CADPS: variants seen among roughly 807,000 people sequenced by gnomAD.
The protein encoded by CADPS is calcium dependent secretion activator.
Under a neutral mutation model 167.3 loss-of-function variants are expected in CADPS, and 57 were observed. That is an observed-to-expected ratio of 0.34 (90% CI 0.28 to 0.42). CADPS has a LOEUF of 0.42. Ranked by LOEUF, CADPS falls within the 20% of genes least tolerant of loss-of-function variation. The pLI is 1.00. For missense variants in CADPS, 1,414 were observed against 1,738.1 expected (o/e 0.81, Z 3.32); for synonymous variants, 676 against 635.3 (o/e 1.06, Z -0.96).
chr3:62,521,453 T>C (rs2070563240), intron 13 of CADPS, among the ~76,000 whole-genome samples: 1 of 152,212 alleles, frequency 6.6e-6, no homozygotes, highest in Admixed American at 6.5e-5. Flanking sequence ...ATTGGTATCT[T>C]TCAGACGCCA....
At chr3:62,871,312 C>T (rs904409203) in intron 1 of CADPS, among the ~76,000 whole-genome samples, 4 of 151,966 alleles carry the variant, frequency 2.6e-5, no homozygotes, top group Admixed American at 6.6e-5. Context: ...TTAAATTTAC[C>T]CACTAAAAGC....
At chr3:62,408,092 T>G (rs531119435) in intron 28 of CADPS, among the ~76,000 whole-genome samples, 2 of 152,314 alleles carry the variant, frequency 1.3e-5, no homozygotes, top group South Asian at 2.1e-4. Context: ...CCCTTTCTAG[T>G]AAGAAGCTTA....
intron 6 of CADPS, among the ~76,000 whole-genome samples, chr3:62,599,537 A>G (rs2059399462): frequency 9.3e-6 from 1 of 107,062 alleles, no homozygotes; most frequent in African/African-American, 3.7e-5. Flanking sequence ...TATATTATAT[A>G]TATTATATAT....
At chr3:62,672,209 G>A (rs111397443) in intron 3 of CADPS, among the ~76,000 whole-genome samples, 1 of 1,294 alleles carries the variant, frequency 7.7e-4, no homozygotes, top group African/African-American at 9.0e-4. Flanking sequence ...CACAGAGTCC[G>A]GGCCTCACCC....
chr3:62,655,551 A>G (rs1003410300), intron 4 of CADPS, among the ~76,000 whole-genome samples: 14 of 152,330 alleles, frequency 9.2e-5, no homozygotes, highest in Middle Eastern at 3.4e-3. Flanking sequence ...ATCTTTAAAA[A>G]TAGCATTTGA....
chr3:62,722,726 A>G (rs185843822), intron 3 of CADPS, among the ~76,000 whole-genome samples: 26 of 152,360 alleles, frequency 1.7e-4, no homozygotes, highest in Admixed American at 4.6e-4. Flanking sequence ...CTGCTTAGGC[A>G]TAACCACACA....
chr3:62,648,605 G>A (rs990506128), intron 5 of CADPS, among the ~76,000 whole-genome samples: 6 of 146,010 alleles, frequency 4.1e-5, no homozygotes, highest in African/African-American at 1.5e-4. Context: ...AAGATCACTT[G>A]AGTCCAGGAA....
chr3:62,722,891 C>T (rs2076080081), intron 3 of CADPS, among the ~76,000 whole-genome samples: 3 of 152,076 alleles, frequency 2.0e-5, no homozygotes, highest in Admixed American at 2.0e-4. Flanking sequence ...TGGCCTTTGG[C>T]CTCTACTAGA....
intron 1 of CADPS, among the ~76,000 whole-genome samples, chr3:62,776,753 G>C (rs980298406): frequency 6.6e-6 from 1 of 152,176 alleles, no homozygotes; most frequent in Non-Finnish European, 1.5e-5. Flanking sequence ...CAGGCTTGCT[G>C]TGATATTTGA....
At chr3:62,734,325 C>A (rs1269121161) in intron 3 of CADPS, among the ~76,000 whole-genome samples, 1 of 152,074 alleles carries the variant, frequency 6.6e-6, no homozygotes, top group Non-Finnish European at 1.5e-5. Flanking sequence ...AGATATGTGG[C>A]TAGTGTGATT....
At chr3:62,692,676 A>C (rs532629513) in intron 3 of CADPS, among the ~76,000 whole-genome samples, 1 of 152,074 alleles carries the variant, frequency 6.6e-6, no homozygotes, top group African/African-American at 2.4e-5. Flanking sequence ...TACCATCATT[A>C]CCTGCCAAGA....
intron 3 of CADPS, among the ~76,000 whole-genome samples, chr3:62,664,377 A>C (rs1455406428): frequency 6.6e-6 from 1 of 152,206 alleles, no homozygotes; most frequent in Non-Finnish European, 1.5e-5. Context: ...CATGAGTTGG[A>C]AACTCTCTTC....
chr3:62,540,165 C>T (rs540585256), intron 11 of CADPS, among the ~76,000 whole-genome samples: 1 of 152,106 alleles, frequency 6.6e-6, no homozygotes, highest in Non-Finnish European at 1.5e-5. Flanking sequence ...AGCTAATGTT[C>T]TATTCCTTCT....
intron 27 of CADPS, among the ~76,000 whole-genome samples, chr3:62,442,571 T>C (rs2056524587): frequency 6.6e-6 from 1 of 152,184 alleles, no homozygotes. Context: ...CCCTGATTTG[T>C]AGTGTTTACC....
chr3:62,858,900 T>C (rs954721815), intron 1 of CADPS, among the ~76,000 whole-genome samples: 4 of 152,174 alleles, frequency 2.6e-5, no homozygotes, highest in Non-Finnish European at 5.9e-5. Context: ...TGCTATCATA[T>C]TTATAGAAAA....
At chr3:62,628,917 G>T (rs543677531) in intron 6 of CADPS, among the ~76,000 whole-genome samples, 1 of 151,862 alleles carries the variant, frequency 6.6e-6, no homozygotes, top group East Asian at 1.9e-4. Flanking sequence ...GAACCACCAC[G>T]CCTGGCCAAC....
At chr3:62,569,041 G>C (rs1024731819) in intron 9 of CADPS, among the ~76,000 whole-genome samples, 2 of 152,202 alleles carry the variant, frequency 1.3e-5, no homozygotes, top group East Asian at 1.9e-4. Flanking sequence ...TCAGTTAATA[G>C]TCTGAGGAAA....
intron 3 of CADPS, among the ~76,000 whole-genome samples, chr3:62,668,633 T>C (rs981367842): frequency 1.3e-5 from 2 of 152,308 alleles, no homozygotes; most frequent in Non-Finnish European, 2.9e-5. Context: ...TACTAACATA[T>C]ATCACCATTA....
chr3:62,864,192 C>T (rs933732901), intron 1 of CADPS, among the ~76,000 whole-genome samples: 1 of 152,216 alleles, frequency 6.6e-6, no homozygotes, highest in African/African-American at 2.4e-5. Context: ...CACTGACCTG[C>T]ACCTGTCTGT....
Sources: allele counts gnomAD v4.1 joint callset (sites outside exome capture counted in the v4.1 genomes callset), GRCh38; gene constraint gnomAD v4.1.1; transcripts MANE v1.5; gene names NCBI Gene and HGNC (gene_info 2026-07-23, HGNC 2026-07-21).